ABCC4: variants seen among roughly 807,000 people sequenced by gnomAD.
ABCC4 encodes the protein ATP-binding cassette sub-family C member 4.
In ABCC4, 102 loss-of-function variants were observed where a neutral mutation model predicts 168.5. The observed-to-expected ratio is 0.61, with a 90% CI of 0.52 to 0.71. The LOEUF (loss-of-function observed/expected upper bound fraction) is 0.71. Ranked by LOEUF, ABCC4 falls within the 30% of genes least tolerant of loss-of-function variation. The pLI, the probability that ABCC4 is intolerant of heterozygous loss-of-function variation, is 0.00. For synonymous variants in ABCC4, 617 were observed against 590.7 expected (o/e 1.04, Z -0.65); for missense variants, 1,402 against 1,605.8 (o/e 0.87, Z 2.17).
intron 11 of ABCC4, among the ~76,000 whole-genome samples, chr13:95,182,731 T>C (rs2037936962): frequency 6.6e-6 from 1 of 152,196 alleles, no homozygotes; most frequent in Non-Finnish European, 1.5e-5. Flanking sequence ...TTCAGACGAT[T>C]AGCTAAAATC....
At chr13:95,254,756 T>C (rs2138830646) in intron 1 of ABCC4, among the ~76,000 whole-genome samples, 1 of 152,336 alleles carries the variant, frequency 6.6e-6, no homozygotes, top group South Asian at 2.1e-4. Flanking sequence ...CTGCCCAAGC[T>C]TAAATTTTCT....
intron 20 of ABCC4, among the ~76,000 whole-genome samples, chr13:95,083,524 C>T (rs1458159543): frequency 6.8e-6 from 1 of 146,828 alleles, no homozygotes; most frequent in Non-Finnish European, 1.5e-5. Context: ...TTTTTTTTTC[C>T]TTTTTCTTTT....
intron 1 of ABCC4, among the ~76,000 whole-genome samples, chr13:95,296,035 A>G (rs916970755): frequency 2.6e-5 from 4 of 150,968 alleles, no homozygotes; most frequent in African/African-American, 9.8e-5. Flanking sequence ...TGGGAGGCTG[A>G]GCTGGAAGGA....
At position 95,203,393 on chromosome 13, in the gene ABCC4, G is replaced by A. The variant is rs570811507; in HGVS notation, c.1161+3139C>T. ...ACTCTGTCACCCAGACTACAGTGCA[G>A]TGGCGTAATCTCGGCTCACTGCAAC... On this transcript the variant is annotated intron_variant, in intron 8 of 30. Transcript: ENST00000645237. Among the ~76,000 whole-genome samples the A allele has an allele frequency of 1.9e-4, 28 of 146,574 alleles. 1 individual carries two copies. Among genetic ancestry groups the A allele is most frequent in the African/African-American group, 6.6e-4 (26 of 39,440 alleles).
intron 1 of ABCC4, among the ~76,000 whole-genome samples, chr13:95,282,124 G>C (rs1476542287): frequency 7.0e-6 from 1 of 143,252 alleles, no homozygotes; most frequent in Non-Finnish European, 1.5e-5. Flanking sequence ...GCAACAGAGA[G>C]AGACTCCATC....
intron 19 of ABCC4, among the ~76,000 whole-genome samples, chr13:95,126,288 A>T (rs1564353): frequency 6.6e-6 from 1 of 151,946 alleles, no homozygotes. Context: ...CAAGCGGTCT[A>T]CAAGAATGTG....
intron 20 of ABCC4, among the ~76,000 whole-genome samples, chr13:95,092,772 A>C (rs917163610): frequency 6.6e-6 from 1 of 152,182 alleles, no homozygotes; most frequent in Middle Eastern, 3.2e-3. Flanking sequence ...AAAACACAAA[A>C]GATAAATAAA....
intron 20 of ABCC4, among the ~76,000 whole-genome samples, chr13:95,104,109 T>C (rs1158320919): frequency 6.6e-6 from 1 of 152,092 alleles, no homozygotes; most frequent in Non-Finnish European, 1.5e-5. Flanking sequence ...GAGGTTTTTT[T>C]GGTTTGGGTT....
At chr13:95,145,390 G>A (rs1002929834) in intron 19 of ABCC4, among the ~76,000 whole-genome samples, 21 of 151,748 alleles carry the variant, frequency 1.4e-4, no homozygotes, top group African/African-American at 4.1e-4. Flanking sequence ...GCTGAGGCAG[G>A]CAGATCACTT....
chr13:95,246,890 C>T (rs1364081067), intron 3 of ABCC4, 85 bp downstream of exon 3: 2 of 1,471,162 alleles, frequency 1.4e-6, no homozygotes, highest in Non-Finnish European at 1.9e-6. Context: ...CTTCTGTTCC[C>T]CCATCCATTA....
At chr13:95,195,794 T>C (rs561766792) in intron 8 of ABCC4, among the ~76,000 whole-genome samples, 1 of 152,160 alleles carries the variant, frequency 6.6e-6, no homozygotes, top group South Asian at 2.1e-4. Context: ...CCACCATGCC[T>C]GGCTAATTTT....
At chr13:95,220,903 A>G (rs2039294386) in intron 4 of ABCC4, among the ~76,000 whole-genome samples, 1 of 152,354 alleles carries the variant, frequency 6.6e-6, no homozygotes, top group East Asian at 1.9e-4. Context: ...GCTCAGAGCA[A>G]GAAGCCAGAA....
At chr13:95,071,993 CT>C in intron 24 of ABCC4, 140 bp from the exon 25 acceptor site, 1 of 594,656 alleles carries the variant, frequency 1.7e-6, no homozygotes, top group Non-Finnish European at 2.6e-6. Flanking sequence ...ATGTTGATGA[CT>C]TACAAATTTG....
At chr13:95,237,149 C>G (rs913901474) in intron 3 of ABCC4, among the ~76,000 whole-genome samples, 1 of 152,100 alleles carries the variant, frequency 6.6e-6, no homozygotes, top group Non-Finnish European at 1.5e-5. Flanking sequence ...ATAAACCCAG[C>G]GAAAGAGAAT....
At chr13:95,192,324 C>G (rs986405869) in intron 9 of ABCC4, among the ~76,000 whole-genome samples, 2 of 152,136 alleles carry the variant, frequency 1.3e-5, no homozygotes, top group Non-Finnish European at 1.5e-5. Flanking sequence ...ACCCCAGCAC[C>G]CTCTCAGCCG....
chr13:95,069,012 G>T lies in ABCC4; in HGVS notation c.3210+2650C>A, dbSNP rs540226296. ...ACAAGGATGCTGGGTAGATAATGAG[G>T]AATCAGCTTTTGCTGGTTCCCTGGG... On this transcript the variant is annotated intron_variant, in intron 25 of 30. Transcript: ENST00000645237. 3.3e-5 allele frequency among the ~76,000 whole-genome samples: 5 copies of T among 152,334 alleles called. 1 individual carries two copies. In the South Asian group the frequency reaches 1.0e-3, roughly 32 times the overall value.
chr13:95,109,798 T>C (rs994547673), intron 20 of ABCC4, among the ~76,000 whole-genome samples: 3 of 152,120 alleles, frequency 2.0e-5, no homozygotes, highest in African/African-American at 7.2e-5. Context: ...TCCCTCCCAA[T>C]AGAGTAAACT....
intron 19 of ABCC4, among the ~76,000 whole-genome samples, chr13:95,159,256 T>TA (rs2037006077): frequency 6.6e-6 from 1 of 151,194 alleles, no homozygotes; most frequent in African/African-American, 2.4e-5. Flanking sequence ...ATTCTACCAT[T>TA]AAAAAACTTT....
At chr13:95,119,341 A>G (rs372995261) in intron 19 of ABCC4, among the ~76,000 whole-genome samples, 3 of 152,302 alleles carry the variant, frequency 2.0e-5, no homozygotes, top group South Asian at 2.1e-4. Flanking sequence ...AAGATGGTCA[A>G]TGTGGCATTA....
Sources: gnomAD v4.1 joint callset for allele counts (sites outside exome capture counted in the v4.1 genomes callset) on GRCh38, gnomAD v4.1.1 for gene constraint, MANE v1.5 for transcripts, NCBI Gene and HGNC (gene_info 2026-07-23, HGNC 2026-07-21) for gene names.